The following ZBTB7C variants were observed in gnomAD, a reference collection of about 807,000 sequenced individuals.
ZBTB7C encodes the protein zinc finger and BTB domain containing 7C, also known as zinc finger and BTB domain-containing protein 7C.
A neutral mutation model predicts 25.7 loss-of-function variants in ZBTB7C; 8 were observed. That is an observed-to-expected ratio of 0.31 (90% CI 0.18 to 0.56). The LOEUF (loss-of-function observed/expected upper bound fraction) is 0.56, where lower values mean the gene tolerates loss of function less well. ZBTB7C is among the 20% of genes least tolerant of loss of function. The pLI, the probability that ZBTB7C is intolerant of heterozygous loss-of-function variation, is 0.91. For missense variants in ZBTB7C, 824 were observed against 855.2 expected (o/e 0.96, Z 0.46); for synonymous variants, 394 against 369.0 (o/e 1.07, Z -0.78).
intron 2 of ZBTB7C, among the ~76,000 whole-genome samples, chr18:48,332,191 C>G (rs1466684926): frequency 6.6e-6 from 1 of 152,126 alleles, no homozygotes; most frequent in Non-Finnish European, 1.5e-5. Context: ...TTCCCTCTTC[C>G]CCATCCCCTT....
intron 1 of ZBTB7C, among the ~76,000 whole-genome samples, chr18:48,386,786 A>C (rs554424600): frequency 6.6e-6 from 1 of 151,984 alleles, no homozygotes; most frequent in African/African-American, 2.4e-5. Flanking sequence ...GCTTCATCTC[A>C]AAAAAATGTT....
intron 2 of ZBTB7C, among the ~76,000 whole-genome samples, chr18:48,295,555 A>G (rs2045362884): frequency 6.6e-6 from 1 of 152,072 alleles, no homozygotes; most frequent in African/African-American, 2.4e-5. Context: ...ACTCAGGCTA[A>G]GATTGTTTTT....
At chr18:48,199,992 TTGTGTGTGTG>T (rs57540482) in intron 2 of ZBTB7C, among the ~76,000 whole-genome samples, 3 of 149,206 alleles carry the variant, frequency 2.0e-5, no homozygotes, top group Non-Finnish European at 4.5e-5. Context: ...GGAAATGTAT[TTGTGTGTGTG>T]TGTGTGTGTG....
intron 1 of ZBTB7C, among the ~76,000 whole-genome samples, chr18:48,343,714 C>T (rs2046658267): frequency 1.3e-5 from 2 of 152,220 alleles, no homozygotes; most frequent in Admixed American, 6.5e-5. Flanking sequence ...ACTCCTTCCC[C>T]TAATAGCCTG....
At chr18:48,248,035 T>C (rs1346929122) in intron 2 of ZBTB7C, among the ~76,000 whole-genome samples, 1 of 152,190 alleles carries the variant, frequency 6.6e-6, no homozygotes, top group Non-Finnish European at 1.5e-5. Context: ...GTTTTATAAA[T>C]AGGAGTTCCC....
intron 3 of ZBTB7C, chr18:48,147,551 C>G (rs992019069): frequency 1.3e-5 from 2 of 152,094 alleles, no homozygotes; most frequent in Non-Finnish European, 2.9e-5. Flanking sequence ...ATATTATTAC[C>G]AGCTTTGAGG....
intron 4 of ZBTB7C, among the ~76,000 whole-genome samples, chr18:48,030,712 G>C (rs956017516): frequency 1.8e-4 from 27 of 152,324 alleles, no homozygotes; most frequent in Admixed American, 1.4e-3. Flanking sequence ...GGTGACTTCA[G>C]GCAAGTTACT....
chr18:48,252,096 TAA>T (rs2043876673), intron 2 of ZBTB7C: 1 of 152,186 alleles, frequency 6.6e-6, no homozygotes, highest in Non-Finnish European at 1.5e-5. Flanking sequence ...AAATGTTTGT[TAA>T]GAGAATAAAT....
At chr18:48,407,292 T>A (rs1388779730) in intron 1 of ZBTB7C, among the ~76,000 whole-genome samples, 1 of 152,222 alleles carries the variant, frequency 6.6e-6, no homozygotes, top group African/African-American at 2.4e-5. Context: ...AGCTGCAAAT[T>A]CTTCTTGGCT....
intron 2 of ZBTB7C, among the ~76,000 whole-genome samples, chr18:48,233,845 G>A (rs1568320407): frequency 1.3e-5 from 2 of 152,148 alleles, no homozygotes; most frequent in African/African-American, 2.4e-5. Context: ...CCCAAAGGCC[G>A]AGAAATTCTA....
At chr18:48,209,671 G>T (rs1011249397) in intron 2 of ZBTB7C, among the ~76,000 whole-genome samples, 2 of 151,948 alleles carry the variant, frequency 1.3e-5, no homozygotes, top group Non-Finnish European at 2.9e-5. Context: ...TGGGAGGATT[G>T]CTTGAACCCA....
At chr18:48,343,674 G>A (rs768026354) in intron 1 of ZBTB7C, among the ~76,000 whole-genome samples, 10 of 152,124 alleles carry the variant, frequency 6.6e-5, no homozygotes, top group Non-Finnish European at 2.9e-5. Flanking sequence ...GGAGTGGGTC[G>A]GGAGTGGTGG....
intron 1 of ZBTB7C, among the ~76,000 whole-genome samples, chr18:48,339,726 AGAG>A (rs1342396912): frequency 6.6e-6 from 1 of 152,148 alleles, no homozygotes; most frequent in African/African-American, 2.4e-5. Context: ...GATGGGGAGA[AGAG>A]GAGAACAATC....
At chr18:48,355,064 A>C (rs1390297689) in intron 1 of ZBTB7C, among the ~76,000 whole-genome samples, 1 of 152,148 alleles carries the variant, frequency 6.6e-6, no homozygotes, top group African/African-American at 2.4e-5. Flanking sequence ...ATCAAAGCCT[A>C]CTGGGCCCTG....
At chr18:48,293,598 A>G (rs905301109) in intron 2 of ZBTB7C, among the ~76,000 whole-genome samples, 1 of 152,186 alleles carries the variant, frequency 6.6e-6, no homozygotes, top group African/African-American at 2.4e-5. Context: ...CGCGATGGTA[A>G]TTAGAATAAA....
rs187773672 is a variant in ZBTB7C, at chr18:48,390,961, C to G, written c.-304+18265G>C. Among the ~76,000 whole-genome samples the G allele has an allele frequency of 1.4e-4, 21 of 152,304 alleles. No homozygotes were observed. The East Asian group carries it at 2.7e-3, about 20-fold the overall frequency. On this transcript the variant is annotated intron_variant, in intron 1 of 4. Transcript: ENST00000590800. Reference sequence around the variant, plus strand: ...GCTACAGGGCCAAAATGCATGAAGACAACTGCCATGGGTGAGAAAGCCACT... The same window carrying G: ...GCTACAGGGCCAAAATGCATGAAGAGAACTGCCATGGGTGAGAAAGCCACT...
At chr18:48,134,381 G>T (rs1023246267) in intron 3 of ZBTB7C, among the ~76,000 whole-genome samples, 1 of 152,134 alleles carries the variant, frequency 6.6e-6, no homozygotes, top group African/African-American at 2.4e-5. Context: ...ATTCTATTAG[G>T]ACAGATATGT....
intron 2 of ZBTB7C, among the ~76,000 whole-genome samples, chr18:48,219,376 C>T (rs922242636): frequency 1.3e-5 from 2 of 152,226 alleles, no homozygotes; most frequent in African/African-American, 4.8e-5. Context: ...CTGATGAGAA[C>T]TGACTTCATG....
At chr18:48,267,396 A>G (rs2044345853) in intron 2 of ZBTB7C, among the ~76,000 whole-genome samples, 1 of 152,208 alleles carries the variant, frequency 6.6e-6, no homozygotes, top group Non-Finnish European at 1.5e-5. Context: ...GCCTGGCACC[A>G]CACTCTCAGC....
Sources: gnomAD v4.1 joint callset for allele counts (sites outside exome capture counted in the v4.1 genomes callset) on GRCh38, gnomAD v4.1.1 for gene constraint, MANE v1.5 for transcripts, NCBI Gene and HGNC (gene_info 2026-07-23, HGNC 2026-07-21) for gene names.